The following STRN3 variants were observed in gnomAD, a reference collection of about 807,000 sequenced individuals.
The protein encoded by STRN3 is striatin 3, also known as striatin-3.
A neutral mutation model predicts 95.6 loss-of-function variants in STRN3; 29 were observed. The observed-to-expected ratio is 0.30, with a 90% CI of 0.23 to 0.41. The LOEUF is 0.41. Ranked by LOEUF, STRN3 falls within the 10% of genes least tolerant of loss-of-function variation. The pLI is 1.00. For synonymous variants in STRN3, 331 were observed against 357.6 expected, an observed-to-expected ratio of 0.93 and a Z score of 0.84; for missense variants, 890 against 972.1, an observed-to-expected ratio of 0.92 and a Z score of 1.12.
chr14:30,999,800 A>T (rs938893842), intron 1 of STRN3, among the ~76,000 whole-genome samples: 3 of 152,240 alleles, frequency 2.0e-5, no homozygotes, highest in African/African-American at 7.2e-5. Context: ...AACATTACAC[A>T]TCCAAGAGGC....
chr14:30,923,596 A>G (rs928367593), intron 8 of STRN3, among the ~76,000 whole-genome samples: 1 of 152,182 alleles, frequency 6.6e-6, no homozygotes, highest in Non-Finnish European at 1.5e-5. Context: ...AAACATACAT[A>G]TTCCCCAAAT....
At chr14:30,929,067 A>G in intron 8 of STRN3, 134 bp downstream of exon 8, 1 of 611,298 alleles carries the variant, frequency 1.6e-6, no homozygotes, top group South Asian at 2.7e-5. Context: ...TTTCAATTAT[A>G]CAACAGACAA....
At chr14:30,916,608 T>TC (rs1356945145) in intron 9 of STRN3, among the ~76,000 whole-genome samples, 1 of 152,262 alleles carries the variant, frequency 6.6e-6, no homozygotes, top group Admixed American at 6.5e-5. Context: ...TCTTTTTTTT[T>TC]CTAATAGAGA....
intron 16 of STRN3, among the ~76,000 whole-genome samples, chr14:30,896,787 C>G (rs1181851572): frequency 6.6e-6 from 1 of 151,966 alleles, no homozygotes; most frequent in African/African-American, 2.4e-5. Flanking sequence ...TCTAGATTTC[C>G]CCAGATATTA....
intron 1 of STRN3, among the ~76,000 whole-genome samples, chr14:30,983,554 TAAATA>T (rs899772112): frequency 3.3e-5 from 5 of 152,122 alleles, no homozygotes; most frequent in African/African-American, 1.2e-4. Flanking sequence ...CAAAAATAAA[TAAATA>T]AAATAAGGCA....
chr14:30,957,444 C>G (rs1879973115), intron 1 of STRN3, among the ~76,000 whole-genome samples: 1 of 107,954 alleles, frequency 9.3e-6, no homozygotes, highest in South Asian at 3.4e-4. Flanking sequence ...CAGAGTGAGA[C>G]TCCATTTCAA....
chr14:31,018,993 C>T (rs907453965), intron 1 of STRN3, among the ~76,000 whole-genome samples: 1 of 152,116 alleles, frequency 6.6e-6, no homozygotes, highest in Non-Finnish European at 1.5e-5. Context: ...CATGGTGGCA[C>T]ACCTATAATC....
intron 1 of STRN3, among the ~76,000 whole-genome samples, chr14:31,016,285 G>A (rs780282571): frequency 3.3e-5 from 5 of 152,108 alleles, no homozygotes; most frequent in Non-Finnish European, 7.3e-5. Context: ...ACTCATAATT[G>A]TCAAAACTTG....
chr14:31,014,396 AT>A (rs1214075832), intron 1 of STRN3, among the ~76,000 whole-genome samples: 3 of 151,740 alleles, frequency 2.0e-5, no homozygotes, highest in Non-Finnish European at 4.4e-5. Context: ...TAATTTTTGT[AT>A]TTTTAGTAAA....
At chr14:30,936,739 ACTGT>A in intron 5 of STRN3, 115 bp from the exon 6 acceptor site, 1 of 1,241,280 alleles carries the variant, frequency 8.1e-7, no homozygotes, top group Non-Finnish European at 1.1e-6. Context: ...ATGACTACCT[ACTGT>A]CTGAGGGCTT....
intron 1 of STRN3, among the ~76,000 whole-genome samples, chr14:31,006,434 G>A (rs911042865): frequency 1.3e-5 from 2 of 151,914 alleles, no homozygotes; most frequent in East Asian, 1.9e-4. Flanking sequence ...GGTGGCTCAC[G>A]CCTGTAATCC....
At chr14:30,981,368 T>C (rs1035342443) in intron 1 of STRN3, among the ~76,000 whole-genome samples, 2 of 152,116 alleles carry the variant, frequency 1.3e-5, no homozygotes, top group African/African-American at 4.8e-5. Flanking sequence ...CCCACACCTG[T>C]TAATGGTCAA....
chr14:30,979,485 T>C (rs1473556240), intron 1 of STRN3, among the ~76,000 whole-genome samples: 1 of 152,238 alleles, frequency 6.6e-6, no homozygotes, highest in South Asian at 2.1e-4. Context: ...CTTGTTTCCA[T>C]ATACAATTTC....
intron 8 of STRN3, among the ~76,000 whole-genome samples, chr14:30,927,005 T>G (rs1056055414): frequency 2.0e-5 from 3 of 151,924 alleles, no homozygotes; most frequent in Non-Finnish European, 4.4e-5. Flanking sequence ...TAAGGTCCAA[T>G]TAAAAAAAAA....
chr14:30,940,818 T>C (rs934968259), intron 5 of STRN3, among the ~76,000 whole-genome samples: 1 of 152,196 alleles, frequency 6.6e-6, no homozygotes. Flanking sequence ...CCTCTCAACT[T>C]GATCTTTGAA....
chr14:30,897,822 T>C (rs1479013854), intron 16 of STRN3, among the ~76,000 whole-genome samples: 1 of 152,156 alleles, frequency 6.6e-6, no homozygotes. Flanking sequence ...TTCAACATAA[T>C]TTATCTTCCA....
chr14:30,933,764 T>A (rs1878674442), intron 7 of STRN3, among the ~76,000 whole-genome samples: 1 of 152,184 alleles, frequency 6.6e-6, no homozygotes, highest in Non-Finnish European at 1.5e-5. Flanking sequence ...GAAGTGAAGG[T>A]CTGAAAATAA....
At chr14:30,901,892 G>T (rs1207955952) in intron 16 of STRN3, among the ~76,000 whole-genome samples, 2 of 152,076 alleles carry the variant, frequency 1.3e-5, no homozygotes, top group African/African-American at 4.8e-5. Context: ...GGACGACCGG[G>T]CGCGGTGGCT....
intron 13 of STRN3, among the ~76,000 whole-genome samples, chr14:30,909,060 G>T (rs1478437486): frequency 6.6e-6 from 1 of 152,174 alleles, no homozygotes; most frequent in Non-Finnish European, 1.5e-5. Context: ...ACATCAAACA[G>T]GACTGAATGT....
Sources: allele counts gnomAD v4.1 joint callset (sites outside exome capture counted in the v4.1 genomes callset), GRCh38; gene constraint gnomAD v4.1.1; transcripts MANE v1.5; gene names NCBI Gene and HGNC (gene_info 2026-07-23, HGNC 2026-07-21).